The following DPP10 variants were observed in gnomAD, a reference collection of about 807,000 sequenced individuals.
DPP10 encodes the protein inactive dipeptidyl peptidase 10.
Under a neutral mutation model 120.9 loss-of-function variants are expected in DPP10, and 33 were observed. The ratio of observed to expected loss-of-function variants is 0.27; its 90% CI spans 0.21 to 0.37. The LOEUF is 0.37. DPP10 is among the 10% of genes least tolerant of loss of function. The pLI, the probability that DPP10 is intolerant of heterozygous loss-of-function variation, is 1.00. For synonymous variants in DPP10, 337 were observed against 326.1 expected, an observed-to-expected ratio of 1.03 and a Z score of -0.36; for missense variants, 816 against 942.8, an observed-to-expected ratio of 0.87 and a Z score of 1.76.
intron 1 of DPP10, among the ~76,000 whole-genome samples, chr2:114,458,131 C>A (rs1241299264): frequency 7.3e-6 from 1 of 136,234 alleles, no homozygotes; most frequent in Non-Finnish European, 1.5e-5. Context: ...GAACAGTCAT[C>A]TTCTTGCCTC....
intron 5 of DPP10, among the ~76,000 whole-genome samples, chr2:115,681,112 A>G (rs1005344727): frequency 3.3e-5 from 5 of 151,882 alleles, no homozygotes; most frequent in African/African-American, 1.2e-4. Flanking sequence ...AGCATGTAGG[A>G]CTATAAATTG....
chr2:115,240,651 G>A (rs143311774), intron 1 of DPP10, among the ~76,000 whole-genome samples: 16 of 152,112 alleles, frequency 1.1e-4, no homozygotes, highest in African/African-American at 2.7e-4. Context: ...ACTTTTAAAC[G>A]CACTAAGAAA....
At chr2:114,632,823 A>AT (rs1202263130) in intron 1 of DPP10, among the ~76,000 whole-genome samples, 1 of 151,930 alleles carries the variant, frequency 6.6e-6, no homozygotes, top group African/African-American at 2.4e-5. Flanking sequence ...GGGGGTTTTA[A>AT]TTTATATCAA....
intron 5 of DPP10, among the ~76,000 whole-genome samples, chr2:115,658,566 A>G (rs2088612039): frequency 6.6e-6 from 1 of 152,150 alleles, no homozygotes; most frequent in African/African-American, 2.4e-5. Flanking sequence ...CCAGGGAATA[A>G]TTGATGCTGA....
chr2:115,033,802 G>A (rs192456092), intron 1 of DPP10, among the ~76,000 whole-genome samples: 2 of 151,336 alleles, frequency 1.3e-5, no homozygotes, highest in African/African-American at 4.8e-5. Context: ...CTGGGCTGAA[G>A]GGATCCTCCC....
chr2:114,943,305 G>T (rs545138184), intron 1 of DPP10, among the ~76,000 whole-genome samples: 4 of 151,970 alleles, frequency 2.6e-5, no homozygotes, highest in African/African-American at 9.7e-5. Context: ...ACGGAATCTT[G>T]CTCTGTCACC....
At chr2:115,207,021 TC>T (rs2056180196) in intron 1 of DPP10, among the ~76,000 whole-genome samples, 2 of 152,208 alleles carry the variant, frequency 1.3e-5, no homozygotes, top group Admixed American at 1.3e-4. Context: ...CGTTGACTGT[TC>T]CAGACTTTTA....
At chr2:114,813,410 A>G (rs897672840) in intron 1 of DPP10, among the ~76,000 whole-genome samples, 3 of 152,202 alleles carry the variant, frequency 2.0e-5, no homozygotes, top group African/African-American at 7.2e-5. Flanking sequence ...CCAAAATTAT[A>G]GACAATATTT....
intron 1 of DPP10, chr2:115,297,353 T>A: frequency 6.5e-6 from 2 of 305,374 alleles, no homozygotes; most frequent in South Asian, 5.1e-5. Context: ...AGTTTACTAT[T>A]TTCTATCGCT....
chr2:115,666,124 A>G (rs1418618495), intron 5 of DPP10, among the ~76,000 whole-genome samples: 1 of 152,100 alleles, frequency 6.6e-6, no homozygotes, highest in Non-Finnish European at 1.5e-5. Flanking sequence ...TTTCCCTCAT[A>G]AGTGAGAACA....
chr2:115,764,848 G>A (rs1031361970), intron 12 of DPP10, among the ~76,000 whole-genome samples: 1 of 152,016 alleles, frequency 6.6e-6, no homozygotes, highest in Non-Finnish European at 1.5e-5. Flanking sequence ...ATAAGAAGCA[G>A]CAAATTTCTA....
intron 1 of DPP10, among the ~76,000 whole-genome samples, chr2:114,558,560 C>T (rs1242829506): frequency 3.9e-5 from 6 of 152,200 alleles, no homozygotes; most frequent in Admixed American, 3.9e-4. Context: ...CTTATCTCAA[C>T]TTTGTTCATT....
At chr2:115,107,055 A>G (rs2048982935) in intron 1 of DPP10, among the ~76,000 whole-genome samples, 1 of 151,338 alleles carries the variant, frequency 6.6e-6, no homozygotes. Context: ...AGCCTGGGCG[A>G]CAGAGCTAGG....
chr2:115,229,797 C>T (rs1465770066), intron 1 of DPP10, among the ~76,000 whole-genome samples: 2 of 150,360 alleles, frequency 1.3e-5, no homozygotes, highest in African/African-American at 4.9e-5. Flanking sequence ...TGTTTGTTCA[C>T]TATAGCTCTG....
In DPP10 at chr2:115,382,987, A is replaced by T. The variant is rs61411091; in HGVS notation, c.271+39075A>T. Among the ~76,000 whole-genome samples, 64 of 152,354 alleles carry T rather than the reference A, an allele frequency of 4.2e-4. 2 individuals carry two copies. Among genetic ancestry groups the T allele is most frequent in the Admixed American group, 3.7e-3 (57 of 15,300 alleles). On this transcript the variant is annotated intron_variant, in intron 3 of 25. Transcript: ENST00000410059. ...TAGTAATTTCTGCACAGGGGGTGCC[A>T]TACTTAGACAACTCCTTATGATTTT...
At chr2:115,082,902 A>T (rs1708391778) in intron 1 of DPP10, among the ~76,000 whole-genome samples, 1 of 152,200 alleles carries the variant, frequency 6.6e-6, no homozygotes, top group Non-Finnish European at 1.5e-5. Context: ...TTTGCAGAAA[A>T]ACTCAACACC....
At chr2:115,761,618 C>G (rs1036372391) in intron 11 of DPP10, among the ~76,000 whole-genome samples, 1 of 151,164 alleles carries the variant, frequency 6.6e-6, no homozygotes, top group African/African-American at 2.4e-5. Flanking sequence ...ATGGTTAATG[C>G]TAGGGTGTAA....
chr2:115,107,477 G>A (rs2049008936), intron 1 of DPP10, among the ~76,000 whole-genome samples: 1 of 102,476 alleles, frequency 9.8e-6, no homozygotes, highest in Non-Finnish European at 1.8e-5. Context: ...TTTATCATAT[G>A]TCAGATAACT....
At chr2:114,803,375 G>T (rs1225816480) in intron 1 of DPP10, among the ~76,000 whole-genome samples, 1 of 152,206 alleles carries the variant, frequency 6.6e-6, no homozygotes, top group Non-Finnish European at 1.5e-5. Flanking sequence ...TTGCTTAAAA[G>T]ATACCCAAAA....
Sources: allele counts gnomAD v4.1 joint callset (sites outside exome capture counted in the v4.1 genomes callset), GRCh38; gene constraint gnomAD v4.1.1; transcripts MANE v1.5; gene names NCBI Gene and HGNC (gene_info 2026-07-23, HGNC 2026-07-21).